LRRC9: variants seen among roughly 807,000 people sequenced by gnomAD.
The protein encoded by LRRC9 is leucine-rich repeat-containing protein 9.
A neutral mutation model predicts 63.2 loss-of-function variants in LRRC9; 122 were observed. That is an observed-to-expected ratio of 1.93 (90% CI 1.67 to 2.24). LRRC9 has a LOEUF of 2.24. Ranked by LOEUF, LRRC9 falls within the 30% of genes most tolerant of loss-of-function variation. The pLI is 0.00. For missense variants in LRRC9, 1,071 were observed against 627.7 expected (o/e 1.71, Z -7.55); for synonymous variants, 366 against 213.1 (o/e 1.72, Z -6.25).
At chr14:60,040,912 C>T (rs899157547) in intron 29 of LRRC9, among the ~76,000 whole-genome samples, 1 of 151,950 alleles carries the variant, frequency 6.6e-6, no homozygotes, top group African/African-American at 2.4e-5. Flanking sequence ...TGTTCCTTTC[C>T]ATGTTTAGTG....
At chr14:60,026,585 C>T (rs1891572517) in intron 27 of LRRC9, among the ~76,000 whole-genome samples, 1 of 152,038 alleles carries the variant, frequency 6.6e-6, no homozygotes, top group African/African-American at 2.4e-5. Context: ...TTGATGCAGT[C>T]CCATTTGTCC....
At chr14:59,952,722 T>C (rs1883298856) in intron 8 of LRRC9, among the ~76,000 whole-genome samples, 1 of 152,158 alleles carries the variant, frequency 6.6e-6, no homozygotes, top group East Asian at 1.9e-4. Context: ...ACATTTGACA[T>C]GATAGTTTGC....
At position 60,060,689 on chromosome 14, in the gene LRRC9, C is replaced by T. The variant is rs897485941; in HGVS notation, c.4277-2634C>T. ...CTGGGAGGCGGAGCTTGCAGTGAAC[C>T]GAGATCGCGCCACTGCTCTCCAGCC... On this transcript the variant is annotated intron_variant, in intron 31 of 31. Transcript: ENST00000445360. This position sits in a 1 kb window ranked among gnomAD's most constrained non-coding sequence, Gnocchi z 4.0. Among the ~76,000 whole-genome samples the T allele has an allele frequency of 1.3e-5, 2 of 152,190 alleles. No homozygotes were observed. Among genetic ancestry groups the T allele is most frequent in the Non-Finnish European group, 1.5e-5 (1 of 68,004 alleles).
At chr14:59,931,179 G>A in intron 4 of LRRC9, 121 bp downstream of exon 4, 1 of 294,090 alleles carries the variant, frequency 3.4e-6, no homozygotes, top group Non-Finnish European at 6.2e-6. Flanking sequence ...TACAATTATT[G>A]TTGTCAAAAA....
At chr14:59,957,096 G>A (rs548883448) in intron 8 of LRRC9, among the ~76,000 whole-genome samples, 2 of 151,188 alleles carry the variant, frequency 1.3e-5, no homozygotes, top group Middle Eastern at 3.4e-3. Flanking sequence ...AGAATCTCAC[G>A]ATGTGTCTTG....
intron 12 of LRRC9, among the ~76,000 whole-genome samples, chr14:59,973,049 G>A (rs1885702763): frequency 6.6e-6 from 1 of 152,082 alleles, no homozygotes; most frequent in South Asian, 2.1e-4. Context: ...TAGAAATCTA[G>A]TGAAGGAATT....
At chr14:59,941,493 G>T in intron 7 of LRRC9, among the ~76,000 whole-genome samples, 2 of 151,342 alleles carry the variant, frequency 1.3e-5, no homozygotes, top group East Asian at 3.9e-4. Context: ...TTAAATTTTA[G>T]ATAATAAAGA....
chr14:60,057,285 C>T (rs1281949261), intron 30 of LRRC9, among the ~76,000 whole-genome samples: 7 of 152,098 alleles, frequency 4.6e-5, no homozygotes, highest in Non-Finnish European at 1.0e-4. Context: ...TTGCTGATTC[C>T]TGAAATTCTT....
At chr14:60,008,592 T>A (rs1416243571) in intron 23 of LRRC9, among the ~76,000 whole-genome samples, 2 of 152,130 alleles carry the variant, frequency 1.3e-5, no homozygotes, top group African/African-American at 2.4e-5. Context: ...ATATTAATAA[T>A]TAAGAAAAAT....
chr14:59,966,720 A>G lies in LRRC9; in HGVS notation c.1343A>G (p.Glu448Gly). 1 of 685,564 alleles carries G rather than the reference A, an allele frequency of 1.5e-6. No homozygotes were observed. The highest frequency in any genetic ancestry group is 2.7e-6 in the Non-Finnish European group (1 of 377,136). The allele number at this position is 685,564 out of a possible 1,614,324, so 42.5% of individuals were successfully genotyped here. A position where few individuals can be genotyped will look rare whatever the true frequency, so the allele number is the denominator to read the frequency against. ...CGTATTCTGAGACTAAAATTCGAAG[A>G]GAAATTTCAAAAGTTTTTGGAGAAT... Residue 448 changes from glutamate to glycine, a missense_variant, in exon 11 of 32, where the codon GAG (glutamate) becomes GGG (glycine). By Grantham distance (98) the Glu-to-Gly change is moderately conservative. Transcript: ENST00000445360. The surrounding 1 kb of genome is among the most constrained non-coding windows in gnomAD (Gnocchi z 4.0).
chr14:59,987,679 A>C (rs895164128), intron 17 of LRRC9, among the ~76,000 whole-genome samples: 2 of 152,056 alleles, frequency 1.3e-5, no homozygotes, highest in African/African-American at 4.8e-5. Context: ...TGGCAAAACT[A>C]ATGTTTGACA....
chr14:59,997,262 G>T (rs1316969998), intron 17 of LRRC9, among the ~76,000 whole-genome samples: 2 of 151,934 alleles, frequency 1.3e-5, no homozygotes, highest in Non-Finnish European at 2.9e-5. Context: ...AAGTTAACAG[G>T]TTTAGTTTCT....
At chr14:59,933,330 T>C (rs67489001) in intron 6 of LRRC9, among the ~76,000 whole-genome samples, 62,672 of 152,006 alleles carry the variant, frequency 0.41, 13,451 homozygotes, top group East Asian at 0.58. Flanking sequence ...TCTTCATTGC[T>C]GTATCCACAA....
chr14:60,016,505 CTA>C (rs1411489056), intron 23 of LRRC9, among the ~76,000 whole-genome samples, 153 bp from the exon 24 acceptor site: 1 of 152,104 alleles, frequency 6.6e-6, no homozygotes, highest in Non-Finnish European at 1.5e-5. Context: ...CTTGCCCTGC[CTA>C]TGTTTGTTTC....
intron 12 of LRRC9, among the ~76,000 whole-genome samples, chr14:59,970,720 T>G (rs1345406953): frequency 6.6e-6 from 1 of 152,206 alleles, no homozygotes; most frequent in African/African-American, 2.4e-5. Flanking sequence ...ATTGGCCACA[T>G]GTATGTCTTC....
At position 59,964,222 on chromosome 14, in the gene LRRC9, A is replaced by G. The variant is rs914459904; in HGVS notation, c.1212-2367A>G. Among the ~76,000 whole-genome samples, 1 of 152,144 alleles carries G rather than the reference A, an allele frequency of 6.6e-6. No individual in the cohort carries two copies. The highest frequency in any genetic ancestry group is 2.4e-5 in the African/African-American group (1 of 41,442). ...GCTGCAAAGGCTTTTGTTTTGTTTT[A>G]TTGGCAGACTCTTCACCTACAGTAA... On this transcript the variant is annotated intron_variant, in intron 10 of 31. Coordinates refer to ENST00000445360, the Ensembl canonical transcript of LRRC9. The surrounding 1 kb of genome is among the most constrained non-coding windows in gnomAD (Gnocchi z 4.4).
At chr14:59,977,840 T>A (rs79278377) in intron 14 of LRRC9, among the ~76,000 whole-genome samples, 177 bp from the exon 15 acceptor site, 1 of 152,214 alleles carries the variant, frequency 6.6e-6, no homozygotes, top group East Asian at 1.9e-4. Context: ...TCCTCAATAA[T>A]ATAACTGTCG....
At chr14:59,989,886 T>G (rs2140140493) in intron 17 of LRRC9, among the ~76,000 whole-genome samples, 1 of 152,270 alleles carries the variant, frequency 6.6e-6, no homozygotes, top group Non-Finnish European at 1.5e-5. Flanking sequence ...TCTGAGATTT[T>G]TTTGGCTCTA....
At chr14:59,973,229 A>C (rs962270783) in intron 12 of LRRC9, among the ~76,000 whole-genome samples, 1 of 152,124 alleles carries the variant, frequency 6.6e-6, no homozygotes, top group Non-Finnish European at 1.5e-5. Context: ...CCTTCAGTTA[A>C]AAAGTATATC....
Sources: allele counts gnomAD v4.1 joint callset (sites outside exome capture counted in the v4.1 genomes callset), GRCh38; gene constraint gnomAD v4.1.1; non-coding constraint Gnocchi (gnomAD v3.1); transcripts MANE v1.5; gene names NCBI Gene and HGNC (gene_info 2026-07-23, HGNC 2026-07-21).